The following PDE10A variants were observed in gnomAD, a reference collection of about 807,000 sequenced individuals.
PDE10A encodes cAMP and cAMP-inhibited cGMP 3',5'-cyclic phosphodiesterase 10A.
Under a neutral mutation model 97.7 loss-of-function variants are expected in PDE10A, and 39 were observed. That is an observed-to-expected ratio of 0.40 (90% CI 0.31 to 0.52). The LOEUF is 0.52. PDE10A is among the 20% of genes least tolerant of loss of function. The pLI is 0.56. For missense variants in PDE10A, 731 were observed against 1,047.8 expected (o/e 0.70, Z 4.17); for synonymous variants, 371 against 376.8 (o/e 0.98, Z 0.18).
chr6:165,871,135 T>C (rs138954414), intron 1 of PDE10A, among the ~76,000 whole-genome samples: 1,657 of 152,324 alleles, frequency 0.011, 80 homozygotes, highest in Admixed American at 0.087. Context: ...TTTGAGGTGA[T>C]GGATATTCTA....
At chr6:165,472,650 A>G (rs1359748883) in intron 3 of PDE10A, among the ~76,000 whole-genome samples, 1 of 152,182 alleles carries the variant, frequency 6.6e-6, no homozygotes, top group East Asian at 1.9e-4. Context: ...AAGGTCTTTC[A>G]GATTAGAATG....
At chr6:165,505,342 TTTTC>T (rs1304498443) in intron 2 of PDE10A, among the ~76,000 whole-genome samples, 1 of 152,176 alleles carries the variant, frequency 6.6e-6, no homozygotes, top group Non-Finnish European at 1.5e-5. Flanking sequence ...TTACAAATTG[TTTTC>T]TTTAAAAGTT....
At chr6:165,506,316 C>T (rs1306875974) in intron 2 of PDE10A, among the ~76,000 whole-genome samples, 8 of 151,974 alleles carry the variant, frequency 5.3e-5, no homozygotes, top group Non-Finnish European at 4.4e-5. Flanking sequence ...ATAGGCATTA[C>T]GGTTGATTTC....
At chr6:165,396,753 G>A (rs915280548) in intron 13 of PDE10A, among the ~76,000 whole-genome samples, 4 of 152,098 alleles carry the variant, frequency 2.6e-5, no homozygotes, top group African/African-American at 7.2e-5. Flanking sequence ...CTGTATTTCC[G>A]CATTTTTAAA....
At chr6:165,623,975 C>T (rs1788269500) in intron 1 of PDE10A, among the ~76,000 whole-genome samples, 1 of 152,234 alleles carries the variant, frequency 6.6e-6, no homozygotes, top group African/African-American at 2.4e-5. Flanking sequence ...GCTCCCTCCA[C>T]AAATCCAAAC....
chr6:165,588,526 G>A lies in PDE10A; in HGVS notation c.866-44958C>T, dbSNP rs556622919. 2.0e-5 allele frequency among the ~76,000 whole-genome samples: 3 copies of A among 152,022 alleles called. No individual in the cohort carries two copies. In the South Asian group the frequency reaches 6.2e-4, roughly 32 times the overall value. ...GGCTGGTCTCGAACTCCCGACCTCA[G>A]GTGATCTGCCTGCCTTGGCCTAACA... On this transcript the variant is annotated intron_variant, in intron 1 of 21. Transcript: ENST00000539869.
At chr6:165,943,881 A>G (rs906629382) in intron 1 of PDE10A, among the ~76,000 whole-genome samples, 5 of 152,204 alleles carry the variant, frequency 3.3e-5, no homozygotes, top group African/African-American at 9.6e-5. Context: ...GTTCAAAACA[A>G]CATGAGCTAC....
At chr6:165,968,362 G>A (rs905224500) in intron 1 of PDE10A, among the ~76,000 whole-genome samples, 13 of 152,236 alleles carry the variant, frequency 8.5e-5, no homozygotes, top group Non-Finnish European at 1.8e-4. Flanking sequence ...CACACTTGCT[G>A]TAACACAAGC....
At chr6:165,854,154 T>C (rs770624407) in intron 1 of PDE10A, among the ~76,000 whole-genome samples, 1 of 152,136 alleles carries the variant, frequency 6.6e-6, no homozygotes, top group Non-Finnish European at 1.5e-5. Context: ...AGCGCAGCGC[T>C]GGCTGGGGCC....
intron 1 of PDE10A, among the ~76,000 whole-genome samples, chr6:165,712,202 C>T (rs993666843): frequency 5.3e-5 from 8 of 152,126 alleles, no homozygotes; most frequent in Non-Finnish European, 4.4e-5. Flanking sequence ...AGGGGTGTGA[C>T]ATCAGTGGGA....
chr6:165,944,631 C>T (rs1005707612), intron 1 of PDE10A, among the ~76,000 whole-genome samples: 1 of 152,092 alleles, frequency 6.6e-6, no homozygotes, highest in Admixed American at 6.5e-5. Context: ...GTCCCTAACC[C>T]CATTTTCCCA....
At chr6:165,887,914 A>G (rs935351995) in intron 1 of PDE10A, among the ~76,000 whole-genome samples, 4 of 152,176 alleles carry the variant, frequency 2.6e-5, no homozygotes, top group African/African-American at 9.7e-5. Flanking sequence ...AGTTCTTTCA[A>G]TGGCTCACTG....
chr6:165,901,206 C>T (rs79804078), intron 1 of PDE10A, among the ~76,000 whole-genome samples: 14,834 of 152,150 alleles, frequency 0.097, 921 homozygotes, highest in African/African-American at 0.17. Context: ...GCTCCTGGCT[C>T]GATGCCCAGC....
chr6:165,782,988 T>C (rs1238272908), intron 1 of PDE10A, among the ~76,000 whole-genome samples: 1 of 152,176 alleles, frequency 6.6e-6, no homozygotes, highest in African/African-American at 2.4e-5. Flanking sequence ...TAACACTTGC[T>C]TTGTGGTCCT....
At chr6:165,885,108 TTG>T (rs1781592702) in intron 1 of PDE10A, among the ~76,000 whole-genome samples, 1 of 152,130 alleles carries the variant, frequency 6.6e-6, no homozygotes, top group African/African-American at 2.4e-5. Flanking sequence ...GGGGTGTGCT[TTG>T]TGGCTTTCAG....
At chr6:165,855,533 T>C (rs1200309886) in intron 1 of PDE10A, among the ~76,000 whole-genome samples, 1 of 151,554 alleles carries the variant, frequency 6.6e-6, no homozygotes, top group Non-Finnish European at 1.5e-5. Flanking sequence ...CCCGGGTTCA[T>C]GTGGGGAGCA....
chr6:165,849,351 T>TTATTG, intron 1 of PDE10A, among the ~76,000 whole-genome samples: 1 of 152,212 alleles, frequency 6.6e-6, no homozygotes, highest in South Asian at 2.1e-4. Context: ...CCTTTTTCTG[T>TTATTG]CTCTGCAGTG....
chr6:165,451,606 A>G (rs1432821071), intron 3 of PDE10A, among the ~76,000 whole-genome samples: 1 of 152,136 alleles, frequency 6.6e-6, no homozygotes, highest in Non-Finnish European at 1.5e-5. Context: ...CTGCTTCTTG[A>G]TCATTCAGAT....
In PDE10A at chr6:165,376,533, A is replaced by C. The variant is rs151020079; in HGVS notation, c.2783+2661T>G. 2.9e-3 allele frequency among the ~76,000 whole-genome samples: 442 copies of C among 152,348 alleles called. 1 individual carries two copies. Among genetic ancestry groups the C allele is most frequent in the African/African-American group, 0.01 (419 of 41,586 alleles). ...GTTCTACTGCAGGTGAAATGCTATC[A>C]AACAGCGTCATAAGCTGCAGAGAAA... On this transcript the variant is annotated intron_variant, in intron 18 of 21. Coordinates refer to ENST00000539869, the MANE Select transcript of PDE10A (RefSeq NM_001385079.1).
Sources: gnomAD v4.1 joint callset for allele counts (sites outside exome capture counted in the v4.1 genomes callset) on GRCh38, gnomAD v4.1.1 for gene constraint, MANE v1.5 for transcripts, NCBI Gene and HGNC (gene_info 2026-07-23, HGNC 2026-07-21) for gene names.